SPATA22: variants seen among roughly 807,000 people sequenced by gnomAD.
SPATA22 encodes the protein spermatogenesis associated 22.
Under a neutral mutation model 47.8 loss-of-function variants are expected in SPATA22, and 29 were observed. That is an observed-to-expected ratio of 0.61 (90% CI 0.45 to 0.83). SPATA22 has a LOEUF of 0.83. Ranked by LOEUF, SPATA22 falls within the 40% of genes least tolerant of loss-of-function variation. The pLI, the probability that SPATA22 is intolerant of heterozygous loss-of-function variation, is 0.00. For synonymous variants in SPATA22, 133 were observed against 140.9 expected (o/e 0.94, Z 0.40); for missense variants, 410 against 421.7 (o/e 0.97, Z 0.24).
At position 3,485,750 on chromosome 17, in the gene SPATA22, C is replaced by A. The variant is rs1349971248; in HGVS notation, c.-73-16352G>T. ...CAAGCTAACCATTAGCCTAGCACCT[C>A]TGAGTGGATGCCAGTAGAAGACACA... On this transcript the variant is annotated intron_variant, in intron 1 of 8. Transcript: ENST00000541913. This position sits in a 1 kb window ranked among gnomAD's most constrained non-coding sequence, Gnocchi z 4.4. 3.9e-5 allele frequency among the ~76,000 whole-genome samples: 6 copies of A among 152,144 alleles called. No homozygotes were observed. Among genetic ancestry groups the A allele is most frequent in the African/African-American group, 1.4e-4 (6 of 41,430 alleles).
At chr17:3,507,805 G>C (rs1220346800) in intron 1 of SPATA22, among the ~76,000 whole-genome samples, 1 of 152,140 alleles carries the variant, frequency 6.6e-6, no homozygotes, top group East Asian at 1.9e-4. Flanking sequence ...GGAATCCTTT[G>C]GGGAGGTAAT....
rs140126395 is a variant in SPATA22, at chr17:3,444,993, A to C, written c.802+1479T>G. 7.5e-3 allele frequency among the ~76,000 whole-genome samples: 1,149 copies of C among 152,196 alleles called. 12 individuals carry two copies. Among genetic ancestry groups the C allele is most frequent in the Non-Finnish European group, 0.013 (869 of 67,960 alleles). ...TATAATGAGTATTGTGATATTCTTA[A>C]AAGGATTATTCTGGAGTGAACCTGA... On this transcript the variant is annotated intron_variant, in intron 7 of 8. Coordinates refer to ENST00000572969, the MANE Select transcript of SPATA22 (RefSeq NM_001170698.2).
intron 1 of SPATA22, among the ~76,000 whole-genome samples, chr17:3,498,557 G>A (rs1427803815): frequency 1.3e-5 from 2 of 152,100 alleles, no homozygotes; most frequent in African/African-American, 4.8e-5. Context: ...GTGTTGCCCA[G>A]GCTGGTTTTG....
intron 5 of SPATA22, among the ~76,000 whole-genome samples, chr17:3,451,957 AAAAAAAAGAAAAC>A (rs1177864696): frequency 4.6e-5 from 7 of 151,698 alleles, no homozygotes; most frequent in Non-Finnish European, 1.0e-4. Context: ...AATTAAAAAA[AAAAAAAAGAAAAC>A]CAGAAAAGAA....
At chr17:3,496,796 G>T (rs568852009) in intron 1 of SPATA22, among the ~76,000 whole-genome samples, 16 of 152,214 alleles carry the variant, frequency 1.1e-4, no homozygotes, top group Non-Finnish European at 5.9e-5. Context: ...GCCAGGAGCG[G>T]TGGCTCACGC....
Position 3,442,599 on chromosome 17 carries a change from T to C in SPATA22, c.900+575A>G, listed in dbSNP as rs1290616996. Among the ~76,000 whole-genome samples, 3 of 152,054 alleles carry C rather than the reference T, an allele frequency of 2.0e-5. No individual in the cohort carries two copies. The East Asian group carries it at 5.8e-4, about 29-fold the overall frequency. ...TCCCCCACTTTCAGAACCACTACCC[T>C]TACCCCTAACAGTTCCTAACTCTTC... On this transcript the variant is annotated intron_variant, in intron 8 of 8. Transcript: ENST00000572969.
intron 1 of SPATA22, among the ~76,000 whole-genome samples, chr17:3,505,985 T>C (rs1285137597): frequency 6.6e-6 from 1 of 152,164 alleles, no homozygotes; most frequent in Non-Finnish European, 1.5e-5. Context: ...CTCGAACTCC[T>C]GACCTCAGGT....
chr17:3,483,600 A>G (rs1597432510), intron 1 of SPATA22: 1 of 1,597,066 alleles, frequency 6.3e-7, no homozygotes, highest in Non-Finnish European at 8.6e-7. Context: ...TGGGTAAGTC[A>G]TAGTTCCCAC....
rs1461580075 is a variant in SPATA22 at position 3,440,051 on chromosome 17, G to GT, written c.*95dup. 2.7e-5 allele frequency: 20 copies of GT among 727,962 alleles called. No homozygotes were observed. The highest frequency in any genetic ancestry group is 9.5e-5 in the Admixed American group (3 of 31,624). The allele number at this position is 727,962 out of a possible 1,614,324, so 45.1% of individuals were successfully genotyped here. On this transcript the variant is annotated 3_prime_UTR_variant, in exon 9 of 9. Coordinates refer to ENST00000572969, the MANE Select transcript of SPATA22 (RefSeq NM_001170698.2). ...GAATTCAAATACTTTAATTCAACAA[G>GT]TGAAATACAATAGTAGCTATAAAAC...
At chr17:3,458,880 A>AAAAAAAAAAAAAAAAAAAAAAAAAAAAAG (rs2073059323) in intron 5 of SPATA22, among the ~76,000 whole-genome samples, 1 of 145,780 alleles carries the variant, frequency 6.9e-6, no homozygotes, top group Admixed American at 6.9e-5. Context: ...AAAAAAAAAA[A>AAAAAAAAAAAAAAAAAAAAAAAAAAAAAG]TTCCAAGATA....
chr17:3,460,679 C>G (rs2073104756), intron 5 of SPATA22, among the ~76,000 whole-genome samples: 1 of 151,026 alleles, frequency 6.6e-6, no homozygotes. Context: ...GTCAGTCCCG[C>G]CTACTCAGGA....
chr17:3,488,527 C>T lies in SPATA22; in HGVS notation c.-73-19129G>A, dbSNP rs182828265. 4.6e-5 allele frequency among the ~76,000 whole-genome samples: 7 copies of T among 152,166 alleles called. No homozygotes were observed. Among genetic ancestry groups the T allele is most frequent in the Non-Finnish European group, 7.4e-5 (5 of 68,000 alleles). Reference sequence around the variant, plus strand: ...TAAAAATAAGCCAGGAATGGTGGCCCGTGCCTGTAATCCCAGCTACTCGGG... The same window carrying T: ...TAAAAATAAGCCAGGAATGGTGGCCTGTGCCTGTAATCCCAGCTACTCGGG... On this transcript the variant is annotated intron_variant, in intron 1 of 8. Coordinates refer to the SPATA22 transcript ENST00000541913. This position sits in a 1 kb window ranked among gnomAD's most constrained non-coding sequence, Gnocchi z 6.1.
chr17:3,451,699 A>G (rs929192178), intron 5 of SPATA22, among the ~76,000 whole-genome samples: 1 of 152,210 alleles, frequency 6.6e-6, no homozygotes, highest in African/African-American at 2.4e-5. Flanking sequence ...CTGTAATCCC[A>G]GCACTTTGGG....
intron 5 of SPATA22, among the ~76,000 whole-genome samples, chr17:3,453,271 G>A (rs898634647): frequency 2.6e-5 from 4 of 152,062 alleles, no homozygotes; most frequent in Non-Finnish European, 4.4e-5. Context: ...CACATGTACC[G>A]CTTATATTTA....
At chr17:3,470,093 C>CAAAAAAAAA (rs57432043) in intron 1 of SPATA22, among the ~76,000 whole-genome samples, 16 of 54,300 alleles carry the variant, frequency 2.9e-4, no homozygotes, top group African/African-American at 8.0e-4. Flanking sequence ...GACTCCATCT[C>CAAAAAAAAA]AAAAAAAAAA....
Position 3,483,555 on chromosome 17 carries a change from A to G in SPATA22, c.-73-14157T>C, listed in dbSNP as rs1262479969. On this transcript the variant is annotated intron_variant, in intron 1 of 8. Coordinates refer to the SPATA22 transcript ENST00000541913. ...ATCTGATTGAGCATCCTTCCCTCAAATATGCGACCACTCGTTCCATAGCCA... is the reference window on the plus strand; with the variant it reads ...ATCTGATTGAGCATCCTTCCCTCAAGTATGCGACCACTCGTTCCATAGCCA... 6.2e-7 allele frequency: 1 copy of G among 1,614,048 alleles called. No individual in the cohort carries two copies. Among genetic ancestry groups the G allele is most frequent in the Non-Finnish European group, 8.5e-7 (1 of 1,180,008 alleles).
chr17:3,448,010 A>G (rs1164678751), intron 6 of SPATA22, among the ~76,000 whole-genome samples: 6 of 152,234 alleles, frequency 3.9e-5, no homozygotes, highest in African/African-American at 1.2e-4. Flanking sequence ...ACCAGCACAC[A>G]TAATATATAA....
At chr17:3,461,330 C>T (rs1308115645) in intron 5 of SPATA22, among the ~76,000 whole-genome samples, 1 of 152,226 alleles carries the variant, frequency 6.6e-6, no homozygotes, top group Non-Finnish European at 1.5e-5. Context: ...AGATTACCAA[C>T]TGCCTGCATG....
chr17:3,444,383 A>T (rs1402316801), intron 7 of SPATA22, among the ~76,000 whole-genome samples: 1 of 152,094 alleles, frequency 6.6e-6, no homozygotes, highest in East Asian at 1.9e-4. Context: ...TAGGCATGTT[A>T]CCAAGTCAGA....
Sources: gnomAD v4.1 joint callset for allele counts (sites outside exome capture counted in the v4.1 genomes callset) on GRCh38, gnomAD v4.1.1 for gene constraint, Gnocchi (gnomAD v3.1) non-coding constraint, MANE v1.5 for transcripts, NCBI Gene and HGNC (gene_info 2026-07-23, HGNC 2026-07-21) for gene names.